Variants in DPP6 observed in about 807,000 individuals in gnomAD.
The protein encoded by DPP6 is A-type potassium channel modulatory protein DPP6.
A neutral mutation model predicts 122.6 loss-of-function variants in DPP6; 69 were observed. That is an observed-to-expected ratio of 0.56 (90% confidence interval 0.46 to 0.69). DPP6 has a LOEUF of 0.69. Among genes scored for constraint, DPP6 ranks in the 30% least tolerant of loss-of-function variants. The pLI is 0.00. For missense variants in DPP6, 928 were observed against 1,116.9 expected, an observed-to-expected ratio of 0.83 and a Z score of 2.41; for synonymous variants, 418 against 433.1, an observed-to-expected ratio of 0.97 and a Z score of 0.43.
chr7:153,841,288 A>G, the DPP6 span, among the ~76,000 whole-genome samples: 8 of 152,250 alleles, frequency 5.3e-5, no homozygotes, highest in Non-Finnish European at 1.0e-4. Flanking sequence ...AATATCAGTT[A>G]TCACTAAATT....
At chr7:154,700,596 T>C (rs1390563089) in intron 7 of DPP6, among the ~76,000 whole-genome samples, 7 of 152,222 alleles carry the variant, frequency 4.6e-5, no homozygotes, top group Non-Finnish European at 1.0e-4. Context: ...AAGGCCATGT[T>C]CCAAAATCAG....
Position 154,294,240 on chromosome 7 carries a change from G to A in DPP6, c.244-151974G>A, listed in dbSNP as rs114146481. Reference sequence around the variant, plus strand: ...AGCACTTCCCATAAGCCTGGGGTAGGAGGTGACATTTGCACGGGGCACTAA... The same window carrying A: ...AGCACTTCCCATAAGCCTGGGGTAGAAGGTGACATTTGCACGGGGCACTAA... On this transcript the variant is annotated intron_variant, in intron 1 of 25. Coordinates refer to ENST00000377770, the MANE Select transcript of DPP6 (RefSeq NM_130797.4). Among the ~76,000 whole-genome samples the A allele has an allele frequency of 7.3e-3, 1,116 of 152,272 alleles. 13 individuals carry two copies. Among genetic ancestry groups the A allele is most frequent in the African/African-American group, 0.025 (1,056 of 41,562 alleles).
intron 1 of DPP6, among the ~76,000 whole-genome samples, chr7:154,433,900 A>G (rs1818653167): frequency 6.6e-6 from 1 of 152,190 alleles, no homozygotes; most frequent in South Asian, 2.1e-4. Flanking sequence ...TCTGTTACAC[A>G]ATGTCTGAAG....
intron 1 of DPP6, among the ~76,000 whole-genome samples, chr7:154,362,580 AT>A (rs35131020): frequency 0.029 from 3,911 of 133,014 alleles, 62 homozygotes; most frequent in African/African-American, 0.059. Flanking sequence ...ATGCCATGCT[AT>A]TTTTTTTTTT....
At chr7:154,078,511 C>T (rs1803736008) in intron 1 of DPP6, among the ~76,000 whole-genome samples, 1 of 152,030 alleles carries the variant, frequency 6.6e-6, no homozygotes, top group African/African-American at 2.4e-5. Context: ...GAGCCAGCAA[C>T]TGAGTTATTC....
intron 1 of DPP6, among the ~76,000 whole-genome samples, chr7:153,904,559 C>A (rs373249271): frequency 6.6e-6 from 1 of 152,188 alleles, no homozygotes; most frequent in African/African-American, 2.4e-5. Flanking sequence ...CTCACTTACC[C>A]TAATCATTTC....
intron 1 of DPP6, among the ~76,000 whole-genome samples, chr7:154,197,168 CTTTA>C (rs1014659453): frequency 4.0e-5 from 6 of 151,784 alleles, no homozygotes; most frequent in Admixed American, 1.3e-4. Context: ...GAATTGCAAT[CTTTA>C]TTCATTGATA....
intron 8 of DPP6, among the ~76,000 whole-genome samples, chr7:154,758,133 T>G (rs1441665539): frequency 1.3e-5 from 2 of 152,232 alleles, no homozygotes; most frequent in Non-Finnish European, 2.9e-5. Context: ...TCCTGGGAAC[T>G]GTAGTTGGCA....
At chr7:154,599,543 G>A (rs1321263865) in intron 5 of DPP6, among the ~76,000 whole-genome samples, 1 of 150,384 alleles carries the variant, frequency 6.6e-6, no homozygotes. Context: ...TAAGTTCTAG[G>A]GTACATGTGC....
At chr7:154,261,389 C>T (rs1585768446) in intron 1 of DPP6, among the ~76,000 whole-genome samples, 1 of 152,252 alleles carries the variant, frequency 6.6e-6, no homozygotes, top group South Asian at 2.1e-4. Flanking sequence ...GAAATCAATT[C>T]AAGATGGATC....
At chr7:154,350,679 G>A (rs1165834695) in intron 1 of DPP6, among the ~76,000 whole-genome samples, 1 of 152,112 alleles carries the variant, frequency 6.6e-6, no homozygotes, top group Non-Finnish European at 1.5e-5. Flanking sequence ...TGGTGTTATG[G>A]GACTATCAGG....
intron 1 of DPP6, among the ~76,000 whole-genome samples, chr7:154,326,844 T>A (rs919197018): frequency 3.9e-5 from 6 of 152,180 alleles, no homozygotes; most frequent in African/African-American, 1.4e-4. Flanking sequence ...TCCTGTTCAA[T>A]GATTGGAACA....
rs371427104 is a variant in DPP6 at position 153,969,548 on chromosome 7, C to A, written c.51+81814C>A. Among the ~76,000 whole-genome samples the A allele has an allele frequency of 2.6e-4, 38 of 147,754 alleles. No individual in the cohort carries two copies. The East Asian group carries it at 6.8e-3, about 26-fold the overall frequency. ...CACATCATATTCCCCAAAACTTTGA[C>A]AGAAAGTTACCTAAGTCAGGATACC... On this transcript the variant is annotated intron_variant, in intron 1 of 25. Transcript: ENST00000404039.
rs1195347219 is a variant in DPP6, at chr7:154,142,396, A to C, written c.243+89333A>C. Reference sequence around the variant, plus strand: ...ATACAGTGAACACAAATATAAATAAACACAGTTCCATGTTTACTGTTTATA... The same window carrying C: ...ATACAGTGAACACAAATATAAATAACCACAGTTCCATGTTTACTGTTTATA... On this transcript the variant is annotated intron_variant, in intron 1 of 25. Coordinates refer to ENST00000377770, the MANE Select transcript of DPP6 (RefSeq NM_130797.4). 2.0e-5 allele frequency among the ~76,000 whole-genome samples: 3 copies of C among 152,196 alleles called. No homozygotes were observed. The East Asian group carries it at 5.8e-4, about 29-fold the overall frequency.
intron 16 of DPP6, among the ~76,000 whole-genome samples, chr7:154,820,941 G>C (rs1419457437): frequency 6.6e-6 from 1 of 152,188 alleles, no homozygotes; most frequent in Non-Finnish European, 1.5e-5. Flanking sequence ...AGGGCTCAGT[G>C]GCTCATACCT....
At chr7:154,560,168 G>T (rs1830329449) in intron 4 of DPP6, among the ~76,000 whole-genome samples, 1 of 151,884 alleles carries the variant, frequency 6.6e-6, no homozygotes. Flanking sequence ...TCAACATATG[G>T]CCAGGTTTTG....
At chr7:154,133,254 G>C (rs1365305354) in intron 1 of DPP6, among the ~76,000 whole-genome samples, 1 of 152,182 alleles carries the variant, frequency 6.6e-6, no homozygotes, top group East Asian at 1.9e-4. Context: ...ATTCAACCCA[G>C]CTGCTCCGTG....
intron 1 of DPP6, among the ~76,000 whole-genome samples, chr7:153,917,560 C>A (rs1800380041): frequency 6.6e-6 from 1 of 152,142 alleles, no homozygotes; most frequent in African/African-American, 2.4e-5. Context: ...GTTGCTGCCA[C>A]ATTTCTCTCT....
intron 10 of DPP6, among the ~76,000 whole-genome samples, chr7:154,775,383 C>T (rs915456087): frequency 8.5e-5 from 13 of 152,130 alleles, no homozygotes; most frequent in African/African-American, 3.1e-4. Flanking sequence ...TGTATGTGGA[C>T]AACTCTCCCC....
Sources: gnomAD v4.1 joint callset for allele counts (sites outside exome capture counted in the v4.1 genomes callset) on GRCh38, gnomAD v4.1.1 for gene constraint, MANE v1.5 for transcripts, NCBI Gene and HGNC (gene_info 2026-07-23, HGNC 2026-07-21) for gene names.